KIAA0586: variants seen among roughly 807,000 people sequenced by gnomAD.
KIAA0586 encodes the protein protein TALPID3.
KIAA0586 carries 144 observed loss-of-function variants against 169.8 expected under a neutral mutation model. The ratio of observed to expected loss-of-function variants is 0.85; its 90% CI spans 0.74 to 0.97. KIAA0586 has a LOEUF of 0.97. KIAA0586 is among the 50% of genes least tolerant of loss of function. The probability of loss-of-function intolerance (pLI) is 0.00; values close to 1 mark genes in which losing one functional copy is unlikely to be tolerated. For synonymous variants in KIAA0586, 625 were observed against 612.4 expected (o/e 1.02, Z -0.30); for missense variants, 1,854 against 1,823.0 (o/e 1.02, Z -0.31).
At position 58,543,861 on chromosome 14, in the gene KIAA0586, T is replaced by C. The variant is rs1439449829; in HGVS notation, c.4495+3725T>C. The C allele has an allele frequency of 6.6e-6, 3 of 452,128 alleles. No individual in the cohort carries two copies. In the Admixed American group the frequency reaches 7.2e-5, roughly 11 times the overall value. The allele number at this position is 452,128 out of a possible 1,614,324, so 28.0% of individuals were successfully genotyped here. A position where few individuals can be genotyped will look rare whatever the true frequency, so the allele number is the denominator to read the frequency against. Reference sequence around the variant, plus strand: ...GCTATTAGGATGATTTTTACCTCTTTTTTTTTTAACTTTTATTTTAGGTTT... The same window carrying C: ...GCTATTAGGATGATTTTTACCTCTTCTTTTTTTAACTTTTATTTTAGGTTT... On this transcript the variant is annotated intron_variant, in intron 30 of 30. Coordinates refer to ENST00000652326, the MANE Select transcript of KIAA0586 (RefSeq NM_001329943.3).
At chr14:58,448,206 A>G in intron 6 of KIAA0586, 134 bp from the exon 7 acceptor site, 1 of 614,274 alleles carries the variant, frequency 1.6e-6, no homozygotes, top group South Asian at 2.4e-5. Context: ...GGATACTTGC[A>G]ATGTAATACA....
intron 5 of KIAA0586, 47 bp from the exon 6 acceptor site, chr14:58,443,907 T>C (rs1397294997): frequency 2.7e-6 from 3 of 1,106,920 alleles, no homozygotes; most frequent in South Asian, 1.4e-5. Context: ...AGACATATTT[T>C]TGGTATCCTA....
At chr14:58,499,640 C>A (rs1003341852) in intron 27 of KIAA0586, among the ~76,000 whole-genome samples, 2 of 151,248 alleles carry the variant, frequency 1.3e-5, no homozygotes, top group Non-Finnish European at 2.9e-5. Context: ...CTCACTGCAA[C>A]CCCTGCCTCC....
chr14:58,552,499 C>A (rs921223753), downstream of KIAA0586, among the ~76,000 whole-genome samples: 1 of 152,126 alleles, frequency 6.6e-6, no homozygotes, highest in Non-Finnish European at 1.5e-5. Flanking sequence ...AATCAGAGCT[C>A]TTTTTCTGGG....
At position 58,428,120 on chromosome 14, in the gene KIAA0586, T is replaced by C; in HGVS notation, c.-145T>C. 1 of 1,465,492 alleles carries C rather than the reference T, an allele frequency of 6.8e-7. No homozygotes were observed. The highest frequency in any genetic ancestry group is 9.0e-7 in the Non-Finnish European group (1 of 1,112,732). 90.8% of individuals were successfully genotyped at this position (1,465,492 alleles called of 1,614,324 possible). On this transcript the variant is annotated 5_prime_UTR_variant, in exon 1 of 31. Coordinates refer to ENST00000652326, the MANE Select transcript of KIAA0586 (RefSeq NM_001329943.3). Reference sequence around the variant, plus strand: ...GTCAGCTCTAATCCTGGATTCAATATCAGAATTTAGATTTTCAGCTTTGTG... The same window carrying C: ...GTCAGCTCTAATCCTGGATTCAATACCAGAATTTAGATTTTCAGCTTTGTG...
upstream of KIAA0586, chr14:58,427,453 C>G: frequency 1.3e-6 from 1 of 754,230 alleles, no homozygotes; most frequent in Non-Finnish European, 2.1e-6. Flanking sequence ...CTGGTAAACA[C>G]AAGTAGTATT....
intron 4 of KIAA0586, among the ~76,000 whole-genome samples, chr14:58,436,648 T>C (rs1223618274): frequency 6.6e-6 from 1 of 152,230 alleles, no homozygotes; most frequent in Non-Finnish European, 1.5e-5. Flanking sequence ...AAAAAGTATG[T>C]GCCTGTGTGT....
chr14:58,433,676 C>T (rs1031104005), intron 4 of KIAA0586, among the ~76,000 whole-genome samples: 4 of 152,094 alleles, frequency 2.6e-5, no homozygotes, highest in African/African-American at 9.7e-5. Context: ...GACAAAGAGT[C>T]TAAACAGTCA....
intron 29 of KIAA0586, among the ~76,000 whole-genome samples, chr14:58,537,471 A>G (rs1216774196): frequency 6.6e-6 from 1 of 152,174 alleles, no homozygotes; most frequent in Non-Finnish European, 1.5e-5. Context: ...CTGAGGTGGT[A>G]TTGATACCTT....
At chr14:58,431,718 A>T (rs1387274140) in intron 3 of KIAA0586, among the ~76,000 whole-genome samples, 1 of 152,168 alleles carries the variant, frequency 6.6e-6, no homozygotes, top group Non-Finnish European at 1.5e-5. Flanking sequence ...AATGTTTTCC[A>T]CTTATTTGTG....
At chr14:58,446,450 T>C (rs1394575299) in intron 6 of KIAA0586, among the ~76,000 whole-genome samples, 1 of 151,994 alleles carries the variant, frequency 6.6e-6, no homozygotes, top group African/African-American at 2.4e-5. Context: ...TGAGTTGAGA[T>C]TGGGCCACTG....
chr14:58,429,507 G>A, intron 2 of KIAA0586, 74 bp downstream of exon 2: 1 of 845,394 alleles, frequency 1.2e-6, no homozygotes, highest in South Asian at 1.4e-5. Context: ...CTTAAATTAT[G>A]TTTGATTAGC....
chr14:58,499,023 A>G, intron 27 of KIAA0586, 63 bp downstream of exon 27: 1 of 1,392,476 alleles, frequency 7.2e-7, no homozygotes, highest in Middle Eastern at 1.8e-4. Flanking sequence ...AGTTGAGGAA[A>G]GTATACCTAT....
Position 58,539,633 on chromosome 14 carries a change from T to A in KIAA0586, c.4430-438T>A, listed in dbSNP as rs529505251. ...CTGTGCTCCCTGCCAGCTTTATGGG[T>A]TGTTTCCTACGGATTGTATTGAGTA... On this transcript the variant is annotated intron_variant, in intron 29 of 30. Transcript: ENST00000652326. Among the ~76,000 whole-genome samples, 12 of 152,284 alleles carry A rather than the reference T, an allele frequency of 7.9e-5. No individual in the cohort carries two copies. The South Asian group carries it at 2.5e-3, about 32-fold the overall frequency.
chr14:58,471,399 C>A (rs2041202420), intron 17 of KIAA0586, among the ~76,000 whole-genome samples: 1 of 152,166 alleles, frequency 6.6e-6, no homozygotes, highest in African/African-American at 2.4e-5. Flanking sequence ...TGTTATCCCA[C>A]TGTTGACATG....
Position 58,477,151 on chromosome 14 carries a change from A to C in KIAA0586, c.2854A>C (p.Ile952Leu). Residue 952 changes from isoleucine to leucine, a missense_variant, in exon 20 of 31, where the codon ATC (isoleucine) becomes CTC (leucine). By Grantham distance (5) the Ile-to-Leu change is conservative. Coordinates refer to ENST00000652326, the MANE Select transcript of KIAA0586 (RefSeq NM_001329943.3). Reference sequence around the variant, plus strand: ...AGAGCAAGAAATAATGTCAAGAATTATCTCTGGGCTCTTTCCAGTCCAGCA... The same window carrying C: ...AGAGCAAGAAATAATGTCAAGAATTCTCTCTGGGCTCTTTCCAGTCCAGCA... Reference protein sequence around the residue: ...WVEQEIMSRIISGLFPVQQQI... With the variant: ...WVEQEIMSRILSGLFPVQQQI... 1 of 1,575,362 alleles carries C rather than the reference A, an allele frequency of 6.3e-7. No individual in the cohort carries two copies. Among genetic ancestry groups the C allele is most frequent in the Non-Finnish European group, 8.6e-7 (1 of 1,157,392 alleles).
chr14:58,521,572 A>G, intron 29 of KIAA0586: 1 of 938,222 alleles, frequency 1.1e-6, no homozygotes, highest in Non-Finnish European at 1.7e-6. Context: ...ATCAGGAAAC[A>G]TGAAGGGGAA....
At chr14:58,428,647 T>G (rs1253815157) in intron 1 of KIAA0586, among the ~76,000 whole-genome samples, 184 bp downstream of exon 1, 1 of 151,730 alleles carries the variant, frequency 6.6e-6, no homozygotes, top group African/African-American at 2.4e-5. Flanking sequence ...TGAATGAAAC[T>G]TTAACGTCCC....
intron 29 of KIAA0586, among the ~76,000 whole-genome samples, chr14:58,525,438 C>T (rs1298691864): frequency 6.6e-6 from 1 of 151,934 alleles, no homozygotes; most frequent in Non-Finnish European, 1.5e-5. Flanking sequence ...GGCGTTGCCT[C>T]ACCCGTGAAG....
Sources: allele counts gnomAD v4.1 joint callset (sites outside exome capture counted in the v4.1 genomes callset), GRCh38; gene constraint gnomAD v4.1.1; transcripts MANE v1.5; gene names NCBI Gene and HGNC (gene_info 2026-07-23, HGNC 2026-07-21).